Variants in UNC13C observed in about 807,000 individuals in gnomAD.
UNC13C encodes unc-13 homolog C, also known as protein unc-13 homolog C.
In UNC13C, 174 loss-of-function variants were observed where a neutral mutation model predicts 245.4. The ratio of observed to expected loss-of-function variants is 0.71; its 90% CI spans 0.63 to 0.80. UNC13C has a LOEUF of 0.80. Among genes scored for constraint, UNC13C ranks in the 30% least tolerant of loss-of-function variants. UNC13C has a pLI of 0.00. For synonymous variants in UNC13C, 992 were observed against 895.1 expected, an observed-to-expected ratio of 1.11 and a Z score of -1.93; for missense variants, 2,829 against 2,602.9, an observed-to-expected ratio of 1.09 and a Z score of -1.89.
intron 2 of UNC13C, among the ~76,000 whole-genome samples, chr15:54,077,245 G>T (rs1342342575): frequency 2.0e-5 from 3 of 151,700 alleles, no homozygotes; most frequent in Non-Finnish European, 4.4e-5. Context: ...TCTTAATACA[G>T]ATTATTAAAC....
chr15:53,942,540 G>A, the UNC13C span, among the ~76,000 whole-genome samples: 1 of 148,486 alleles, frequency 6.7e-6, no homozygotes, highest in South Asian at 2.1e-4. Flanking sequence ...TCCTATACAT[G>A]TACCCTGGAA....
chr15:54,225,027 CTT>C (rs60180489), intron 4 of UNC13C, among the ~76,000 whole-genome samples: 14 of 138,370 alleles, frequency 1.0e-4, no homozygotes, highest in African/African-American at 2.6e-4. Context: ...CTTGTGTCTT[CTT>C]TTTTTTTTTT....
chr15:54,121,655 G>A (rs2030675752), intron 2 of UNC13C, among the ~76,000 whole-genome samples: 1 of 151,596 alleles, frequency 6.6e-6, no homozygotes, highest in Admixed American at 6.6e-5. Flanking sequence ...TTCAGTGTTT[G>A]CTTGACTATT....
chr15:54,208,213 T>A (rs1195658854), intron 4 of UNC13C, among the ~76,000 whole-genome samples: 2 of 151,956 alleles, frequency 1.3e-5, no homozygotes, highest in African/African-American at 4.8e-5. Context: ...GAGCAAGAAC[T>A]CACTTATCAC....
intron 4 of UNC13C, among the ~76,000 whole-genome samples, chr15:54,213,658 G>A (rs1176864520): frequency 1.3e-5 from 2 of 151,990 alleles, no homozygotes; most frequent in Non-Finnish European, 2.9e-5. Context: ...CCTTAAAGAC[G>A]CAAGTTGTTG....
chr15:54,455,203 CTCTATATATA>C (rs1406240455), intron 19 of UNC13C, among the ~76,000 whole-genome samples: 3 of 27,324 alleles, frequency 1.1e-4, no homozygotes, highest in African/African-American at 3.6e-4. Flanking sequence ...CTCTCTCTCT[CTCTATATATA>C]TATATATATA....
Position 54,163,852 on chromosome 15 carries a change from G to GA in UNC13C, c.3071+20175dup, listed in dbSNP as rs546470111. The stretch of plus-strand genomic sequence containing the variant: ...ATAGTGTTTTCAATTAACTGATGTA[G>GA]AAAAAAATTTCTAGCTGAAGAATTA... On this transcript the variant is annotated intron_variant, in intron 4 of 32. Coordinates refer to ENST00000260323, the MANE Select transcript of UNC13C (RefSeq NM_001080534.3). Among the ~76,000 whole-genome samples, 858 of 152,244 alleles carry GA rather than the reference G, an allele frequency of 5.6e-3. 13 individuals carry two copies. Among genetic ancestry groups the GA allele is most frequent in the African/African-American group, 0.02 (826 of 41,544 alleles).
chr15:53,897,912 G>A, the UNC13C span, among the ~76,000 whole-genome samples: 2 of 152,076 alleles, frequency 1.3e-5, no homozygotes, highest in Non-Finnish European at 2.9e-5. Flanking sequence ...AAATCCTGGG[G>A]GATTAATGTT....
chr15:54,438,296 C>T (rs1365932443), intron 19 of UNC13C, among the ~76,000 whole-genome samples: 1 of 151,878 alleles, frequency 6.6e-6, no homozygotes, highest in Non-Finnish European at 1.5e-5. Context: ...GATTCCTCTA[C>T]TAAAATATGG....
intron 2 of UNC13C, among the ~76,000 whole-genome samples, chr15:54,112,833 G>A (rs1203509071): frequency 6.6e-6 from 1 of 152,134 alleles, no homozygotes; most frequent in Non-Finnish European, 1.5e-5. Context: ...ACAGGTTGAG[G>A]CCCATGGACA....
the UNC13C span, among the ~76,000 whole-genome samples, chr15:53,890,432 C>A: frequency 1.3e-5 from 2 of 152,012 alleles, no homozygotes; most frequent in Admixed American, 6.6e-5. Context: ...TGAGCCACTG[C>A]GCCCAGCTAC....
At chr15:54,109,056 G>C (rs1223856324) in intron 2 of UNC13C, among the ~76,000 whole-genome samples, 1 of 152,068 alleles carries the variant, frequency 6.6e-6, no homozygotes, top group Non-Finnish European at 1.5e-5. Context: ...TGCCCAAGGG[G>C]AAAGTTTACT....
At position 54,623,836 on chromosome 15, in the gene UNC13C, T is replaced by C. The variant is rs1368354333; in HGVS notation, c.6241T>C (p.Phe2081Leu). ...NDLNWQTTAM[F>L]RPFVEVCILG... is the part of the protein sequence containing the mutation. ...CCTAAACTGGCAGACCACAGCAATG[T>C]TCCGCCCCTTTGTGGAAGTTTGTAT... Residue 2081 changes from phenylalanine (F) to leucine (L), a missense_variant, in exon 32 of 33, where the codon TTC becomes CTC. By Grantham distance (22) the Phe-to-Leu change is conservative. Coordinates refer to ENST00000260323, the MANE Select transcript of UNC13C (RefSeq NM_001080534.3). 20 of 1,613,190 alleles carry C rather than the reference T, an allele frequency of 1.2e-5. No individual in the cohort carries two copies. Among genetic ancestry groups the C allele is most frequent in the Non-Finnish European group, 1.7e-5 (20 of 1,179,448 alleles).
chr15:54,134,227 C>G (rs1486079016), intron 2 of UNC13C, among the ~76,000 whole-genome samples: 1 of 151,900 alleles, frequency 6.6e-6, no homozygotes, highest in Non-Finnish European at 1.5e-5. Context: ...TCCCCCACCC[C>G]CAGCCCTGGC....
In UNC13C at chr15:54,223,735, G is replaced by T. The variant is rs117967215; in HGVS notation, c.3072-11295G>T. ...AGATTGCTTTGGGTAGGTAGTATGG[G>T]CATTTTAACAATATTAGTTCCTCCA... On this transcript the variant is annotated intron_variant, in intron 4 of 32. Transcript: ENST00000260323. Among the ~76,000 whole-genome samples the T allele has an allele frequency of 3.5e-3, 525 of 151,800 alleles. 5 individuals carry two copies. In the East Asian group the frequency reaches 0.039, roughly 11 times the overall value.
chr15:53,949,637 G>A, the UNC13C span, among the ~76,000 whole-genome samples: 70 of 152,240 alleles, frequency 4.6e-4, no homozygotes, highest in Non-Finnish European at 6.2e-4. Flanking sequence ...CCAGGACTCT[G>A]AGATGAATCC....
chr15:54,497,833 T>C (rs1224476349), intron 20 of UNC13C, among the ~76,000 whole-genome samples: 1 of 152,150 alleles, frequency 6.6e-6, no homozygotes, highest in Non-Finnish European at 1.5e-5. Flanking sequence ...ATAAACACTC[T>C]AGGCTTTCAG....
At chr15:54,228,557 T>G (rs889162834) in intron 4 of UNC13C, among the ~76,000 whole-genome samples, 1 of 152,168 alleles carries the variant, frequency 6.6e-6, no homozygotes, top group Non-Finnish European at 1.5e-5. Context: ...CTAGGGTATT[T>G]TAGTCAGCAG....
intron 7 of UNC13C, among the ~76,000 whole-genome samples, chr15:54,241,008 T>A (rs1399814500): frequency 2.6e-5 from 4 of 152,214 alleles, no homozygotes; most frequent in Admixed American, 2.6e-4. Flanking sequence ...TTCATGAGGC[T>A]TACCATACAG....
Sources: allele counts gnomAD v4.1 joint callset (sites outside exome capture counted in the v4.1 genomes callset), GRCh38; gene constraint gnomAD v4.1.1; transcripts MANE v1.5; gene names NCBI Gene and HGNC (gene_info 2026-07-23, HGNC 2026-07-21).